TFEC: variants seen among roughly 807,000 people sequenced by gnomAD.
TFEC encodes transcription factor EC.
TFEC carries 31 observed loss-of-function variants against 41.6 expected under a neutral mutation model. The ratio of observed to expected loss-of-function variants is 0.74; its 90% CI spans 0.56 to 1.01. TFEC has a LOEUF of 1.01. TFEC is among the 50% of genes least tolerant of loss of function. The probability of loss-of-function intolerance (pLI) is 0.00; values close to 1 mark genes in which losing one functional copy is unlikely to be tolerated. For missense variants in TFEC, 402 were observed against 404.1 expected (o/e 0.99, Z 0.04); for synonymous variants, 143 against 140.6 (o/e 1.02, Z -0.12).
At chr7:116,072,803 AG>A (rs1796861061) in intron 3 of TFEC, among the ~76,000 whole-genome samples, 1 of 151,596 alleles carries the variant, frequency 6.6e-6, no homozygotes, top group African/African-American at 2.4e-5. Context: ...TAGGAATCAA[AG>A]GGAACTTCTT....
chr7:116,050,151 G>T (rs1796272375), intron 3 of TFEC, among the ~76,000 whole-genome samples: 1 of 152,032 alleles, frequency 6.6e-6, no homozygotes, highest in Non-Finnish European at 1.5e-5. Flanking sequence ...GAAGGAGATA[G>T]AGACACGAAA....
chr7:115,944,552 G>C (rs1793691134), intron 6 of TFEC, among the ~76,000 whole-genome samples: 1 of 151,486 alleles, frequency 6.6e-6, no homozygotes, highest in African/African-American at 2.4e-5. Flanking sequence ...TGAATATTTT[G>C]ATACATAGAA....
At position 115,984,336 on chromosome 7, in the gene TFEC, C is replaced by G; in HGVS notation, c.106G>C (p.Asp36His). The change falls in exon 2 of 8, where the codon GAT (aspartate) becomes CAT (histidine). Residue 36 changes from aspartate to histidine, a missense_variant. Transcript: ENST00000265440. ...VQHAHTTLDS[D>H]AGLTENPLTK... ...AGTGGGTTTTCTGTGAGGCCAGCAT[C>G]ACTGTCCAGAGTTGTGTGTGCATGC... is the stretch of plus-strand genomic sequence containing the variant. 1 of 1,614,128 alleles carries G rather than the reference C, an allele frequency of 6.2e-7. No homozygotes were observed. The highest frequency in any genetic ancestry group is 8.5e-7 in the Non-Finnish European group (1 of 1,179,982).
At chr7:116,070,207 G>A (rs115384201) in intron 3 of TFEC, among the ~76,000 whole-genome samples, 3 of 151,202 alleles carry the variant, frequency 2.0e-5, no homozygotes, top group East Asian at 1.9e-4. Flanking sequence ...CAAAATTTCC[G>A]AAGAAATTCA....
chr7:116,147,409 A>AT (rs1047985200), intron 1 of TFEC, among the ~76,000 whole-genome samples: 3 of 151,696 alleles, frequency 2.0e-5, no homozygotes, highest in Non-Finnish European at 3.0e-5. Flanking sequence ...ATCTTTTTAT[A>AT]TTTTTTTTAT....
rs141064455 is a variant in TFEC, at chr7:116,023,848, T to C, written c.-73+6785A>G. Among the ~76,000 whole-genome samples, 199 of 152,252 alleles carry C rather than the reference T, an allele frequency of 1.3e-3. 1 individual carries two copies. The highest frequency in any genetic ancestry group is 4.7e-3 in the African/African-American group (195 of 41,570). ...CCTCAGATTCCCTTTTTATGTAGAT[T>C]CCATCACACTCTGACTTTTGACTTT... On this transcript the variant is annotated intron_variant, in intron 1 of 7. Coordinates refer to ENST00000265440, the MANE Select transcript of TFEC (RefSeq NM_012252.4).
chr7:116,016,533 C>A (rs896446279), intron 1 of TFEC, among the ~76,000 whole-genome samples: 3 of 152,084 alleles, frequency 2.0e-5, no homozygotes, highest in Non-Finnish European at 4.4e-5. Context: ...CTAAGCACCT[C>A]CTCCTCCCTC....
chr7:115,968,617 A>G (rs1436499681), intron 3 of TFEC, among the ~76,000 whole-genome samples: 3 of 151,922 alleles, frequency 2.0e-5, no homozygotes, highest in Admixed American at 2.0e-4. Context: ...ATGGGTGTAA[A>G]TAATACACAG....
At chr7:116,029,047 T>C (rs765154058) in intron 1 of TFEC, among the ~76,000 whole-genome samples, 12 of 152,174 alleles carry the variant, frequency 7.9e-5, no homozygotes, top group Non-Finnish European at 1.3e-4. Context: ...CCGCAGTCGT[T>C]AAAATTAAAC....
chr7:116,013,697 A>G (rs548882457), intron 1 of TFEC, among the ~76,000 whole-genome samples: 1 of 152,286 alleles, frequency 6.6e-6, no homozygotes, highest in African/African-American at 2.4e-5. Context: ...TCAGTTAATA[A>G]GTATAATGAA....
intron 1 of TFEC, among the ~76,000 whole-genome samples, chr7:116,028,499 C>T (rs923007733): frequency 1.3e-5 from 2 of 152,166 alleles, no homozygotes; most frequent in African/African-American, 4.8e-5. Flanking sequence ...CTCCCAGACT[C>T]TTCTTAGTAA....
rs910352886 is a variant in TFEC, at chr7:115,940,477, T to A, written c.*74A>T. ...AAAAAAAATAAGCCAAAGCAACATA[T>A]GAAACACAGAGCATAATTGCATAGC... On this transcript the variant is annotated 3_prime_UTR_variant, in exon 8 of 8. Transcript: ENST00000265440. 34 of 1,465,412 alleles carry A rather than the reference T, an allele frequency of 2.3e-5. No individual in the cohort carries two copies. In the Admixed American group the frequency reaches 7.3e-4, roughly 31 times the overall value. 90.8% of individuals were successfully genotyped at this position (1,465,412 alleles called of 1,614,324 possible).
chr7:116,098,503 A>G (rs1375117403), intron 3 of TFEC, among the ~76,000 whole-genome samples: 3 of 152,198 alleles, frequency 2.0e-5, no homozygotes, highest in Non-Finnish European at 4.4e-5. Flanking sequence ...GAAAGGGTGA[A>G]TCCACCAAGA....
intron 2 of TFEC, among the ~76,000 whole-genome samples, chr7:115,974,838 A>AT (rs1793311555): frequency 6.6e-6 from 1 of 152,040 alleles, no homozygotes; most frequent in Non-Finnish European, 1.5e-5. Context: ...AGCAATAGCA[A>AT]TAACAAAAAC....
intron 1 of TFEC, among the ~76,000 whole-genome samples, chr7:115,990,087 C>G (rs766025706): frequency 6.6e-5 from 10 of 152,186 alleles, no homozygotes; most frequent in Non-Finnish European, 1.5e-4. Context: ...TGTTCTGCAG[C>G]CTCTGCTGGT....
intron 3 of TFEC, among the ~76,000 whole-genome samples, chr7:116,041,193 C>G (rs1212668053): frequency 6.6e-6 from 1 of 151,812 alleles, no homozygotes; most frequent in Non-Finnish European, 1.5e-5. Flanking sequence ...GTTGCCTTAT[C>G]TTTTCACATA....
At chr7:116,092,643 A>C (rs1007544835) in intron 3 of TFEC, among the ~76,000 whole-genome samples, 1 of 152,196 alleles carries the variant, frequency 6.6e-6, no homozygotes, top group Admixed American at 6.5e-5. Context: ...TAACAGACTT[A>C]AAATCAGGCT....
intron 2 of TFEC, among the ~76,000 whole-genome samples, chr7:115,976,629 T>C (rs1022347646): frequency 6.6e-6 from 1 of 152,200 alleles, no homozygotes; most frequent in Non-Finnish European, 1.5e-5. Flanking sequence ...TCTGAAATTC[T>C]TTAAGTAAAT....
chr7:116,008,920 G>T (rs183219118), intron 1 of TFEC, among the ~76,000 whole-genome samples: 1 of 152,192 alleles, frequency 6.6e-6, no homozygotes, highest in East Asian at 1.9e-4. Context: ...TATTCCTTCA[G>T]TCCCAATCAT....
Sources: gnomAD v4.1 joint callset for allele counts (sites outside exome capture counted in the v4.1 genomes callset) on GRCh38, gnomAD v4.1.1 for gene constraint, MANE v1.5 for transcripts, NCBI Gene and HGNC (gene_info 2026-07-23, HGNC 2026-07-21) for gene names.